Variants in MTR observed in about 807,000 individuals in gnomAD.
MTR encodes the protein methionine synthase.
MTR carries 84 observed loss-of-function variants against 154.8 expected under a neutral mutation model. That is an observed-to-expected ratio of 0.54 (90% CI 0.45 to 0.65). The LOEUF (loss-of-function observed/expected upper bound fraction) is 0.65. Ranked by LOEUF, MTR falls within the 30% of genes least tolerant of loss-of-function variation. The pLI is 0.00. For missense variants in MTR, 1,275 were observed against 1,570.2 expected (o/e 0.81, Z 3.18); for synonymous variants, 554 against 553.9 (o/e 1.00, Z 0.00).
At chr1:236,833,268 G>A (rs1662718838) in intron 13 of MTR, among the ~76,000 whole-genome samples, 1 of 152,176 alleles carries the variant, frequency 6.6e-6, no homozygotes, top group African/African-American at 2.4e-5. Context: ...CCTATTCTAT[G>A]GTGTCCCTTT....
At chr1:236,837,835 G>T (rs1395214905) in intron 14 of MTR, among the ~76,000 whole-genome samples, 1 of 152,272 alleles carries the variant, frequency 6.6e-6, no homozygotes, top group Middle Eastern at 3.4e-3. Context: ...TGGAACAGAG[G>T]TATGAATTAA....
rs1057521391 is a variant in MTR at position 236,813,936 on chromosome 1, G to A, written c.609+1092G>A. 1.3e-5 allele frequency among the ~76,000 whole-genome samples: 2 copies of A among 151,860 alleles called. No homozygotes were observed. Among genetic ancestry groups the A allele is most frequent in the East Asian group, 1.9e-4 (1 of 5,170 alleles). On this transcript the variant is annotated intron_variant, in intron 6 of 32. Coordinates refer to ENST00000366577, the MANE Select transcript of MTR (RefSeq NM_000254.3). ...CAGATTCTATTTTTTTGTTGTGGGA[G>A]GGGGAGACTACACTTACAGAGCCAC...
rs182589741 is a variant in MTR, at chr1:236,835,184, C to T, written c.1189-363C>T. 3.2e-3 allele frequency among the ~76,000 whole-genome samples: 479 copies of T among 151,934 alleles called. 3 individuals carry two copies. Among genetic ancestry groups the T allele is most frequent in the African/African-American group, 0.011 (439 of 41,424 alleles). The stretch of plus-strand genomic sequence containing the variant: ...AGAGGGAACAACGTGATCTGCAGCA[C>T]AGAGGTGGGAACAGATTTGGCTGGG... On this transcript the variant is annotated intron_variant, in intron 13 of 32. Coordinates refer to ENST00000366577, the MANE Select transcript of MTR (RefSeq NM_000254.3).
intron 6 of MTR, 65 bp from the exon 7 acceptor site, chr1:236,815,539 G>C: frequency 6.6e-7 from 1 of 1,513,198 alleles, no homozygotes; most frequent in South Asian, 1.1e-5. Flanking sequence ...ATTCTAATCA[G>C]GAAGTTAGAC....
At position 236,886,292 on chromosome 1, in the gene MTR, G is replaced by A. The variant is rs1464185474; in HGVS notation, c.2776G>A (p.Glu926Lys). 1 of 1,613,682 alleles carries A rather than the reference G, an allele frequency of 6.2e-7. No individual in the cohort carries two copies. Among genetic ancestry groups the A allele is most frequent in the East Asian group, 2.2e-5 (1 of 44,888 alleles). ...CTAATTTTTCTTTGTTTTTTAACAG[G>A]AGAGGAGATACTTACCCTTAAGTCA... ...IRQDHYESLK[E>K]RRYLPLSQAR... The change falls in exon 27 of 33, where the codon GAG (glutamate) becomes AAG (lysine). Residue 926 changes from glutamate to lysine, a missense_variant and splice_region_variant. Physicochemically the swap from Glu to Lys is moderately conservative, Grantham distance 56. Transcript: ENST00000366577.
At chr1:236,829,121 T>C (rs1662463041) in intron 11 of MTR, 68 bp from the exon 12 acceptor site, 2 of 1,240,974 alleles carry the variant, frequency 1.6e-6, no homozygotes, top group South Asian at 2.5e-5. Context: ...AAATTAGTTT[T>C]GAAATTAGTT....
At chr1:236,880,711 G>T in intron 24 of MTR, 44 bp from the exon 25 acceptor site, 7 of 1,460,198 alleles carry the variant, frequency 4.8e-6, no homozygotes, top group Non-Finnish European at 6.7e-6. Context: ...TATAGGAACT[G>T]TCAGTGCTGA....
In MTR at chr1:236,899,944, C is replaced by T. The variant is rs1431773755; in HGVS notation, c.*2300C>T. ...GGTCTGACAGTACCAGTTGTTAGAT[C>T]TGTAGGGACTTGTACAACATTGTGG... On this transcript the variant is annotated 3_prime_UTR_variant, in exon 33 of 33. Transcript: ENST00000366577. The T allele has an allele frequency of 1.2e-5, 2 of 170,054 alleles. No individual in the cohort carries two copies. Among genetic ancestry groups the T allele is most frequent in the Admixed American group, 1.2e-4 (2 of 16,252 alleles). The allele number at this position is 170,054 out of a possible 1,614,324, so 10.5% of individuals were successfully genotyped here.
At chr1:236,827,010 A>G in intron 11 of MTR, 114 bp downstream of exon 11, 1 of 927,606 alleles carries the variant, frequency 1.1e-6, no homozygotes, top group Non-Finnish European at 1.7e-6. Context: ...TTGTATGTTG[A>G]AGTTCTAACC....
At chr1:236,842,992 A>G (rs1663349841) in intron 15 of MTR, among the ~76,000 whole-genome samples, 1 of 151,152 alleles carries the variant, frequency 6.6e-6, no homozygotes, top group Non-Finnish European at 1.5e-5. Context: ...AGGCTGAGGC[A>G]TGAGAATTGC....
chr1:236,877,701 A>C (rs1242917645), intron 24 of MTR, among the ~76,000 whole-genome samples: 6 of 152,078 alleles, frequency 3.9e-5, no homozygotes, highest in Non-Finnish European at 8.8e-5. Context: ...TGCTATGAAC[A>C]CTTATGCTTA....
At position 236,897,763 on chromosome 1, in the gene MTR, T is replaced by C; in HGVS notation, c.*119T>C. On this transcript the variant is annotated 3_prime_UTR_variant, in exon 33 of 33. Transcript: ENST00000366577. ...TGCATCTGGCTGACACTTACCTGCT[T>C]CTGGTTTTCGAAGACTATTTAGTGG... The C allele has an allele frequency of 2.3e-6, 2 of 866,660 alleles. No homozygotes were observed. Among genetic ancestry groups the C allele is most frequent in the Non-Finnish European group, 3.7e-6 (2 of 535,564 alleles). The allele number at this position is 866,660 out of a possible 1,614,324, so 53.7% of individuals were successfully genotyped here.
chr1:236,877,746 T>C (rs1665510329), intron 24 of MTR, among the ~76,000 whole-genome samples: 1 of 152,206 alleles, frequency 6.6e-6, no homozygotes, highest in Non-Finnish European at 1.5e-5. Flanking sequence ...TATTTTTGCC[T>C]AGAAGCAGAA....
chr1:236,866,272 T>A (rs977420237), intron 22 of MTR, among the ~76,000 whole-genome samples: 3 of 152,214 alleles, frequency 2.0e-5, no homozygotes, highest in Non-Finnish European at 4.4e-5. Flanking sequence ...ATTTCAAACC[T>A]TATTATTGTA....
At position 236,808,700 on chromosome 1, in the gene MTR, T is replaced by G; in HGVS notation, c.340-4T>G. The G allele has an allele frequency of 6.2e-7, 1 of 1,614,184 alleles. No homozygotes were observed. The highest frequency in any genetic ancestry group is 8.5e-7 in the Non-Finnish European group (1 of 1,180,002). ...CAAGCTAACGTTTGTGGTTGATACGTTAGGCCTACCGGATGAACATGTGCT... is the reference window on the plus strand; with the variant it reads ...CAAGCTAACGTTTGTGGTTGATACGGTAGGCCTACCGGATGAACATGTGCT... On this transcript the variant is annotated splice_polypyrimidine_tract_variant and splice_region_variant and intron_variant, in intron 3 of 32. Transcript: ENST00000366577.
At chr1:236,875,743 A>C (rs1001588560) in intron 24 of MTR, among the ~76,000 whole-genome samples, 1 of 152,222 alleles carries the variant, frequency 6.6e-6, no homozygotes, top group Non-Finnish European at 1.5e-5. Flanking sequence ...ATGCAAAAGA[A>C]AAGTGTTCCT....
chr1:236,894,426 G>A lies in MTR; in HGVS notation c.3274G>A (p.Gly1092Ser). 6.2e-7 allele frequency: 1 copy of A among 1,614,196 alleles called. No homozygotes were observed. Among genetic ancestry groups the A allele is most frequent in the Non-Finnish European group, 8.5e-7 (1 of 1,180,034 alleles). The change falls in exon 30 of 33, where the codon GGC becomes AGC. Residue 1092 changes from glycine to serine, a missense_variant. Gly to Ser is a moderately conservative substitution (Grantham distance 56, BLOSUM62 0). Coordinates refer to ENST00000366577, the MANE Select transcript of MTR (RefSeq NM_000254.3). ...LSDFIAPLHSGIRDYLGLFAV... is the reference protein window; with the variant it reads ...LSDFIAPLHSSIRDYLGLFAV... The stretch of plus-strand genomic sequence containing the variant: ...AGACTTCATCGCTCCCTTGCATTCT[G>A]GCATCCGTGACTACCTGGGCCTGTT...
intron 13 of MTR, 45 bp from the exon 14 acceptor site, chr1:236,835,502 A>G (rs1335131244): frequency 6.8e-6 from 11 of 1,611,042 alleles, no homozygotes; most frequent in Non-Finnish European, 7.6e-6. Flanking sequence ...CTTTTCTCCT[A>G]GTAACTGTCT....
intron 24 of MTR, among the ~76,000 whole-genome samples, chr1:236,880,092 C>T (rs570051101): frequency 2.6e-5 from 4 of 152,156 alleles, no homozygotes; most frequent in African/African-American, 4.8e-5. Flanking sequence ...ACGTGGGAGG[C>T]GGAGCTTGCG....
Sources: allele counts gnomAD v4.1 joint callset (sites outside exome capture counted in the v4.1 genomes callset), GRCh38; gene constraint gnomAD v4.1.1; transcripts MANE v1.5; gene names NCBI Gene and HGNC (gene_info 2026-07-23, HGNC 2026-07-21).